TSNARE1: variants seen among roughly 807,000 people sequenced by gnomAD.
The protein encoded by TSNARE1 is t-SNARE domain-containing protein 1.
TSNARE1 carries 49 observed loss-of-function variants against 62.0 expected under a neutral mutation model. The ratio of observed to expected loss-of-function variants is 0.79; its 90% CI spans 0.63 to 1.00. TSNARE1 has a LOEUF of 1.00. TSNARE1 is among the 50% of genes least tolerant of loss of function. TSNARE1 has a pLI of 0.00. For synonymous variants in TSNARE1, 328 were observed against 294.4 expected (o/e 1.11, Z -1.17); for missense variants, 755 against 700.1 (o/e 1.08, Z -0.88).
intron 9 of TSNARE1, among the ~76,000 whole-genome samples, chr8:142,300,851 G>C (rs1187800667): frequency 6.6e-6 from 1 of 152,198 alleles, no homozygotes; most frequent in East Asian, 1.9e-4. Flanking sequence ...CGGTCACCTG[G>C]GAAAGACCAC....
At chr8:142,392,958 A>G (rs1374671150) in intron 1 of TSNARE1, among the ~76,000 whole-genome samples, 18 of 152,022 alleles carry the variant, frequency 1.2e-4, no homozygotes, top group Non-Finnish European at 1.6e-4. Context: ...AAAAAAAAAA[A>G]AAAAGAAAGA....
At chr8:142,312,999 CATCT>C (rs1445636708) in intron 9 of TSNARE1, among the ~76,000 whole-genome samples, 8 of 152,200 alleles carry the variant, frequency 5.3e-5, no homozygotes, top group African/African-American at 1.7e-4. Context: ...TGCATGTCTG[CATCT>C]ATCTGTGTGT....
chr8:142,282,147 G>A (rs974981958), intron 11 of TSNARE1, among the ~76,000 whole-genome samples: 2 of 152,148 alleles, frequency 1.3e-5, no homozygotes, highest in African/African-American at 4.8e-5. Flanking sequence ...CCCTCTTCTC[G>A]TGGATGCAGG....
chr8:142,235,406 T>G (rs993178906), intron 12 of TSNARE1, among the ~76,000 whole-genome samples: 4 of 21,960 alleles, frequency 1.8e-4, no homozygotes, highest in East Asian at 1.4e-3. Flanking sequence ...CCCCCACCCC[T>G]ACCCCCGGCC....
intron 1 of TSNARE1, among the ~76,000 whole-genome samples, chr8:142,357,740 G>A (rs1834856418): frequency 6.6e-6 from 1 of 152,240 alleles, no homozygotes; most frequent in Non-Finnish European, 1.5e-5. Flanking sequence ...CCTGGAGGTG[G>A]GGCTACATGC....
At chr8:142,276,672 G>A (rs1210731147) in intron 11 of TSNARE1, 2 of 985,224 alleles carry the variant, frequency 2.0e-6, no homozygotes, top group African/African-American at 3.5e-5. Context: ...CCCACCCTTG[G>A]ACTCAGCCTG....
chr8:142,279,017 C>T (rs888416085), intron 11 of TSNARE1, among the ~76,000 whole-genome samples: 1 of 152,236 alleles, frequency 6.6e-6, no homozygotes, highest in Non-Finnish European at 1.5e-5. Flanking sequence ...GCTGAGGCTC[C>T]TCCCACCTGC....
chr8:142,300,706 C>A (rs1354056861), intron 9 of TSNARE1, 62 bp from the exon 10 acceptor site: 6 of 1,547,542 alleles, frequency 3.9e-6, no homozygotes, highest in Non-Finnish European at 5.3e-6. Flanking sequence ...CAACCCAGGC[C>A]CAGAAATTCA....
chr8:142,284,404 G>T lies in TSNARE1; in HGVS notation c.1363+9C>A. 1 of 1,611,942 alleles carries T rather than the reference G, an allele frequency of 6.2e-7. No individual in the cohort carries two copies. Among genetic ancestry groups the T allele is most frequent in the Non-Finnish European group, 8.5e-7 (1 of 1,179,080 alleles). On this transcript the variant is annotated intron_variant, in intron 11 of 13. Coordinates refer to ENST00000524325, the MANE Select transcript of TSNARE1 (RefSeq NM_145003.5). ...CAGCAGGTGGCCCGAGGCTGGGGCG[G>T]GTACCCACCAACAGCTTCTCCTTGC...
At chr8:142,325,879 G>A (rs1370429520) in intron 6 of TSNARE1, among the ~76,000 whole-genome samples, 7 of 149,112 alleles carry the variant, frequency 4.7e-5, no homozygotes, top group Non-Finnish European at 1.0e-4. Context: ...AGGGGCCCCA[G>A]AGAGCACGAG....
Position 142,367,471 on chromosome 8 carries a change from G to A in TSNARE1, c.-39-12708C>T, listed in dbSNP as rs182701654. On this transcript the variant is annotated intron_variant, in intron 1 of 13. Coordinates refer to ENST00000524325, the MANE Select transcript of TSNARE1 (RefSeq NM_145003.5). ...TTGATTCCACTGTCATGAGAGGTCC[G>A]CAAGACGCAAATCTACAGAAACAGA... Among the ~76,000 whole-genome samples the A allele has an allele frequency of 2.0e-3, 281 of 142,276 alleles. 1 individual carries two copies. Among genetic ancestry groups the A allele is most frequent in the African/African-American group, 7.1e-3 (275 of 38,558 alleles). The allele number at this position is 142,276 out of a possible 152,430, so 93.3% of individuals were successfully genotyped here.
At chr8:142,229,064 T>C (rs1816967094) in intron 13 of TSNARE1, among the ~76,000 whole-genome samples, 1 of 141,514 alleles carries the variant, frequency 7.1e-6, no homozygotes, top group African/African-American at 2.7e-5. Flanking sequence ...GATGGATAAA[T>C]GGTGGGTGGG....
chr8:142,282,575 G>A (rs72499113), intron 11 of TSNARE1, among the ~76,000 whole-genome samples: 14,849 of 116,972 alleles, frequency 0.13, no homozygotes, highest in African/African-American at 0.2. Flanking sequence ...GTCAATGAGC[G>A]GAGGTGGGGC....
rs1232006965 is a variant in TSNARE1, at chr8:142,369,526, G to A, written c.-39-14763C>T. 2.6e-5 allele frequency among the ~76,000 whole-genome samples: 4 copies of A among 152,216 alleles called. No homozygotes were observed. The East Asian group carries it at 5.8e-4, about 22-fold the overall frequency. On this transcript the variant is annotated intron_variant, in intron 1 of 13. Transcript: ENST00000524325. ...ACAATCAGCAGAGCCAGACTGAGGAGAGGTCAGAACCATCAAGGAATTTAA... is the reference window on the plus strand; with the variant it reads ...ACAATCAGCAGAGCCAGACTGAGGAAAGGTCAGAACCATCAAGGAATTTAA...
intron 12 of TSNARE1, among the ~76,000 whole-genome samples, chr8:142,230,089 TTC>T (rs938591758): frequency 1.3e-5 from 2 of 152,312 alleles, no homozygotes; most frequent in Admixed American, 1.3e-4. Context: ...ATTTAAAAAA[TTC>T]TGGACCCACC....
At chr8:142,385,323 A>AG (rs1274350319) in intron 1 of TSNARE1, among the ~76,000 whole-genome samples, 1 of 152,232 alleles carries the variant, frequency 6.6e-6, no homozygotes. Flanking sequence ...TGCAGCACTT[A>AG]GGGACTGTTC....
intron 12 of TSNARE1, 187 bp downstream of exon 12, chr8:142,274,594 T>C (rs1404480821): frequency 4.1e-6 from 4 of 985,126 alleles, no homozygotes; most frequent in Non-Finnish European, 4.8e-6. Flanking sequence ...AGACCACTGC[T>C]GCCGCAACCC....
chr8:142,306,469 G>C (rs1826684572), intron 9 of TSNARE1, among the ~76,000 whole-genome samples: 1 of 152,234 alleles, frequency 6.6e-6, no homozygotes, highest in Admixed American at 6.5e-5. Context: ...GCTGCTCACT[G>C]GCTGAGCCCA....
At chr8:142,382,743 G>A (rs1329623967) in intron 1 of TSNARE1, among the ~76,000 whole-genome samples, 2 of 152,268 alleles carry the variant, frequency 1.3e-5, no homozygotes, top group Non-Finnish European at 2.9e-5. Flanking sequence ...CAGCTTTCCA[G>A]GAGAGAAGGG....
Sources: gnomAD v4.1 joint callset for allele counts (sites outside exome capture counted in the v4.1 genomes callset) on GRCh38, gnomAD v4.1.1 for gene constraint, MANE v1.5 for transcripts, NCBI Gene and HGNC (gene_info 2026-07-23, HGNC 2026-07-21) for gene names.